The following AKT3 variants were observed in gnomAD, a reference collection of about 807,000 sequenced individuals.
The protein encoded by AKT3 is RAC-gamma serine/threonine-protein kinase.
In AKT3, 15 loss-of-function variants were observed where a neutral mutation model predicts 65.3. The ratio of observed to expected loss-of-function variants is 0.23; its 90% CI spans 0.15 to 0.35. AKT3 has a LOEUF of 0.35. AKT3 is among the 10% of genes least tolerant of loss of function. The probability of loss-of-function intolerance (pLI) is 1.00; values close to 1 mark genes in which losing one functional copy is unlikely to be tolerated. For missense variants in AKT3, 243 were observed against 576.5 expected (o/e 0.42, Z 5.92); for synonymous variants, 206 against 183.8 (o/e 1.12, Z -0.98).
intron 2 of AKT3, among the ~76,000 whole-genome samples, chr1:243,777,846 T>A (rs1690655031): frequency 6.6e-6 from 1 of 152,214 alleles, no homozygotes; most frequent in Non-Finnish European, 1.5e-5. Context: ...ACCCACAAGA[T>A]AATATTCAAA....
chr1:243,642,593 G>A (rs534262431), intron 5 of AKT3, among the ~76,000 whole-genome samples: 19 of 152,348 alleles, frequency 1.2e-4, no homozygotes, highest in South Asian at 2.1e-4. Flanking sequence ...ACAGGCGTGA[G>A]CCACCACGCC....
At chr1:243,629,573 A>T (rs1211422846) in intron 6 of AKT3, among the ~76,000 whole-genome samples, 5 of 152,024 alleles carry the variant, frequency 3.3e-5, no homozygotes, top group Non-Finnish European at 5.9e-5. Flanking sequence ...CGGGTGGATC[A>T]TGAGGTCAGG....
At chr1:243,624,170 T>C (rs941249471) in intron 6 of AKT3, among the ~76,000 whole-genome samples, 1 of 152,106 alleles carries the variant, frequency 6.6e-6, no homozygotes, top group Admixed American at 6.5e-5. Context: ...GGGCAGACAA[T>C]GACAAACTCT....
intron 4 of AKT3, among the ~76,000 whole-genome samples, chr1:243,658,856 T>G: frequency 7.4e-6 from 1 of 134,534 alleles, no homozygotes; most frequent in Non-Finnish European, 1.6e-5. Context: ...AGAGAAACCT[T>G]GTCTCTACAA....
intron 2 of AKT3, among the ~76,000 whole-genome samples, chr1:243,785,843 A>G (rs1386457645): frequency 6.6e-6 from 1 of 152,182 alleles, no homozygotes; most frequent in Non-Finnish European, 1.5e-5. Context: ...TATCCCACTC[A>G]TCTTCTCCTT....
At chr1:243,666,323 G>A (rs1201233780) in intron 3 of AKT3, among the ~76,000 whole-genome samples, 1 of 152,024 alleles carries the variant, frequency 6.6e-6, no homozygotes, top group East Asian at 1.9e-4. Context: ...CTCTTTATTG[G>A]CCCTTTACAC....
At chr1:243,699,484 TATATATATATATATA>T (rs1685289255) in intron 2 of AKT3, among the ~76,000 whole-genome samples, 1 of 19,928 alleles carries the variant, frequency 5.0e-5, no homozygotes, top group Non-Finnish European at 2.0e-4. Flanking sequence ...TATATATATA[TATATATATATATATA>T]TATATATATA....
chr1:243,691,877 C>T (rs183900208), intron 3 of AKT3, among the ~76,000 whole-genome samples: 10 of 152,152 alleles, frequency 6.6e-5, no homozygotes, highest in East Asian at 1.9e-4. Context: ...TCAACGTGTC[C>T]GCCCAAGAGA....
chr1:243,821,626 T>C (rs924617653), intron 2 of AKT3, among the ~76,000 whole-genome samples: 5 of 151,612 alleles, frequency 3.3e-5, no homozygotes, highest in Admixed American at 1.3e-4. Flanking sequence ...AAAGCAGAGG[T>C]TGCAATCCTA....
At chr1:243,586,678 G>T (rs1157549350) in intron 8 of AKT3, among the ~76,000 whole-genome samples, 1 of 152,024 alleles carries the variant, frequency 6.6e-6, no homozygotes, top group African/African-American at 2.4e-5. Context: ...TAATCAATTG[G>T]TACTCATGGA....
At chr1:243,737,094 C>T (rs1490526799) in intron 2 of AKT3, among the ~76,000 whole-genome samples, 3 of 152,134 alleles carry the variant, frequency 2.0e-5, no homozygotes, top group Admixed American at 2.0e-4. Flanking sequence ...TTCCCATAAC[C>T]TGCTTCCATT....
chr1:243,838,510 G>C (rs903093124), intron 2 of AKT3, among the ~76,000 whole-genome samples: 2 of 151,850 alleles, frequency 1.3e-5, no homozygotes, highest in African/African-American at 4.8e-5. Context: ...ACACATGCAT[G>C]CACAAAATAA....
At chr1:243,766,211 C>T (rs1689807613) in intron 2 of AKT3, among the ~76,000 whole-genome samples, 1 of 152,080 alleles carries the variant, frequency 6.6e-6, no homozygotes, top group Admixed American at 6.6e-5. Context: ...ATTTGTATTA[C>T]ATATATGTGC....
At chr1:243,784,604 A>G (rs1691127672) in intron 2 of AKT3, among the ~76,000 whole-genome samples, 1 of 152,212 alleles carries the variant, frequency 6.6e-6, no homozygotes, top group Non-Finnish European at 1.5e-5. Flanking sequence ...GCAAGCTCAC[A>G]TCCACAGCCG....
rs560964115 is a variant in AKT3, at chr1:243,620,443, T to G, written c.562-5282A>C. ...CTGATGAGTAGTGATATGACACACTTTTACAAATTAAACAATGATTACCAG... is the reference window on the plus strand; with the variant it reads ...CTGATGAGTAGTGATATGACACACTGTTACAAATTAAACAATGATTACCAG... On this transcript the variant is annotated intron_variant, in intron 6 of 13. Coordinates refer to ENST00000673466, the MANE Select transcript of AKT3 (RefSeq NM_005465.7). 3.4e-4 allele frequency among the ~76,000 whole-genome samples: 14 copies of G among 40,908 alleles called. 5 individuals carry two copies. Among genetic ancestry groups the G allele is most frequent in the Admixed American group, 8.0e-4 (2 of 2,486 alleles). 26.8% of individuals were successfully genotyped at this position (40,908 alleles called of 152,430 possible).
chr1:243,646,593 G>T (rs753216913), intron 4 of AKT3, among the ~76,000 whole-genome samples: 2 of 152,048 alleles, frequency 1.3e-5, no homozygotes, highest in African/African-American at 4.8e-5. Flanking sequence ...GACCTCAAGT[G>T]ATCCATCCGC....
intron 6 of AKT3, among the ~76,000 whole-genome samples, chr1:243,628,808 A>C (rs1232160601): frequency 1.3e-5 from 2 of 152,254 alleles, no homozygotes; most frequent in African/African-American, 2.4e-5. Context: ...GACTGATGTG[A>C]AACTGATGAA....
At chr1:243,716,209 A>C (rs1471619182) in intron 2 of AKT3, among the ~76,000 whole-genome samples, 2 of 152,162 alleles carry the variant, frequency 1.3e-5, no homozygotes, top group Non-Finnish European at 2.9e-5. Context: ...ATTAAATTAG[A>C]ACAAAGCTGT....
intron 2 of AKT3, among the ~76,000 whole-genome samples, chr1:243,780,505 T>C (rs1690840338): frequency 6.6e-6 from 1 of 151,670 alleles, no homozygotes. Flanking sequence ...TGTCTCAAAT[T>C]TACCCTAAAA....
Sources: allele counts gnomAD v4.1 joint callset (sites outside exome capture counted in the v4.1 genomes callset), GRCh38; gene constraint gnomAD v4.1.1; transcripts MANE v1.5; gene names NCBI Gene and HGNC (gene_info 2026-07-23, HGNC 2026-07-21).